PDLIM3: variants seen among roughly 807,000 people sequenced by gnomAD.
PDLIM3 encodes PDZ and LIM domain 3.
In PDLIM3, 36 loss-of-function variants were observed where a neutral mutation model predicts 37.3. That is an observed-to-expected ratio of 0.97 (90% CI 0.74 to 1.28). The LOEUF (loss-of-function observed/expected upper bound fraction) is 1.28, where lower values mean the gene tolerates loss of function less well. Ranked by LOEUF, PDLIM3 falls within the 50% of genes most tolerant of loss-of-function variation. The probability of loss-of-function intolerance (pLI) is 0.00; values close to 1 mark genes in which losing one functional copy is unlikely to be tolerated. For missense variants in PDLIM3, 454 were observed against 485.0 expected, an observed-to-expected ratio of 0.94 and a Z score of 0.60; for synonymous variants, 174 against 182.4, an observed-to-expected ratio of 0.95 and a Z score of 0.37.
In PDLIM3 at chr4:185,514,902, C is replaced by A; in HGVS notation, c.331-565G>T. The A allele has an allele frequency of 6.5e-7, 1 of 1,546,160 alleles. No homozygotes were observed. Among genetic ancestry groups the A allele is most frequent in the South Asian group, 1.2e-5 (1 of 83,410 alleles). Reference sequence around the variant, plus strand: ...ATGGGTTTGAATTCCTGTACAATGGCAGACAAAATACACAGCCACACAGCG... The same window carrying A: ...ATGGGTTTGAATTCCTGTACAATGGAAGACAAAATACACAGCCACACAGCG... On this transcript the variant is annotated intron_variant, in intron 3 of 7. Coordinates refer to ENST00000284767, the MANE Select transcript of PDLIM3 (RefSeq NM_014476.6). This position sits in a 1 kb window ranked among gnomAD's most constrained non-coding sequence, Gnocchi z 4.0.
At chr4:185,502,738 T>G (rs1013541455) in intron 7 of PDLIM3, among the ~76,000 whole-genome samples, 2 of 152,168 alleles carry the variant, frequency 1.3e-5, no homozygotes, top group African/African-American at 4.8e-5. Flanking sequence ...ACAAGTACTT[T>G]ATAGAAAATT....
intron 4 of PDLIM3, among the ~76,000 whole-genome samples, chr4:185,509,410 A>G (rs536394994): frequency 1.3e-5 from 2 of 152,326 alleles, no homozygotes; most frequent in Non-Finnish European, 2.9e-5. Context: ...ATTCCCAGGC[A>G]TATTTCCCTT....
Position 185,508,512 on chromosome 4 carries a change from G to A in PDLIM3, c.449C>T (p.Pro150Leu). 1.2e-6 allele frequency: 2 copies of A among 1,614,154 alleles called. No individual in the cohort carries two copies. The highest frequency in any genetic ancestry group is 8.5e-7 in the Non-Finnish European group (1 of 1,179,994). The change falls in exon 5 of 8, where the codon CCT becomes CTT. Residue 150 changes from proline (P) to leucine (L), a missense_variant. Pro to Leu is a moderately conservative substitution (Grantham distance 98). Transcript: ENST00000284767. ...GGTACTAACAGTACTGACAGAAGAA[G>A]GGGTGCTGCGTCCACTGCCACAGTC... ...GIDCGSGRSTPSSVSTVSTIC... is the reference protein window; with the variant it reads ...GIDCGSGRSTLSSVSTVSTIC...
intron 7 of PDLIM3, among the ~76,000 whole-genome samples, chr4:185,502,709 C>T (rs1561187784): frequency 6.6e-6 from 1 of 152,156 alleles, no homozygotes. Context: ...TGACGTGTGA[C>T]TATTTTTCAG....
In PDLIM3 at chr4:185,504,522, G is replaced by T; in HGVS notation, c.858C>A (p.Gly286=). ...CACAGAGCGGCATCCTCTGTGCCCCGCCTGAACCGCCATGGACTTTCGTCA... is the reference window on the plus strand; with the variant it reads ...CACAGAGCGGCATCCTCTGTGCCCCTCCTGAACCGCCATGGACTTTCGTCA... ...APVTKVHGGS[G]GAQRMPLCDK... is the part of the protein sequence containing the mutation. Residue 286 remains glycine, a synonymous_variant, in exon 7 of 8, where the codon GGC becomes GGA. Transcript: ENST00000284767. The surrounding 1 kb of genome is among the most constrained non-coding windows in gnomAD (Gnocchi z 4.7). 1 of 1,614,038 alleles carries T rather than the reference G, an allele frequency of 6.2e-7. No individual in the cohort carries two copies. The highest frequency in any genetic ancestry group is 8.5e-7 in the Non-Finnish European group (1 of 1,179,972).
At chr4:185,503,248 A>AAC (rs2095690522) in intron 7 of PDLIM3, among the ~76,000 whole-genome samples, 1 of 119,426 alleles carries the variant, frequency 8.4e-6, no homozygotes, top group Non-Finnish European at 2.0e-5. Context: ...ATAACAACAA[A>AAC]AACAAAACAA....
chr4:185,509,364 T>C (rs1229897085), intron 4 of PDLIM3, among the ~76,000 whole-genome samples: 1 of 152,200 alleles, frequency 6.6e-6, no homozygotes, highest in Non-Finnish European at 1.5e-5. Flanking sequence ...ATTTCTTACA[T>C]AGCTATTTTA....
rs1024988972 is a variant in PDLIM3, at chr4:185,514,084, C to A, written c.398+186G>T. 6.0e-5 allele frequency: 89 copies of A among 1,489,098 alleles called. No homozygotes were observed. In the African/African-American group the frequency reaches 1.2e-3, roughly 20 times the overall value. The allele number at this position is 1,489,098 out of a possible 1,614,324, so 92.2% of individuals were successfully genotyped here. A position where few individuals can be genotyped will look rare whatever the true frequency, so the allele number is the denominator to read the frequency against. The stretch of plus-strand genomic sequence containing the variant: ...AGCTCTGTCATCTTGTCAATATTTA[C>A]TCTTGGAAATGCAAGTTATTTGGCT... On this transcript the variant is annotated intron_variant, in intron 4 of 7. Transcript: ENST00000284767. This position sits in a 1 kb window ranked among gnomAD's most constrained non-coding sequence, Gnocchi z 4.0.
chr4:185,527,757 T>A (rs2095736775), intron 1 of PDLIM3, among the ~76,000 whole-genome samples: 1 of 152,188 alleles, frequency 6.6e-6, no homozygotes, highest in Non-Finnish European at 1.5e-5. Context: ...TTTCTTTGAG[T>A]TAAAACACAG....
chr4:185,503,369 G>A (rs779593510), intron 7 of PDLIM3, among the ~76,000 whole-genome samples: 1 of 152,166 alleles, frequency 6.6e-6, no homozygotes, highest in East Asian at 1.9e-4. Flanking sequence ...TTCTGGTAAC[G>A]TCAGGCACTG....
chr4:185,528,126 C>G (rs2095737499), intron 1 of PDLIM3, among the ~76,000 whole-genome samples: 1 of 152,164 alleles, frequency 6.6e-6, no homozygotes. Context: ...AACATATTTG[C>G]TTTTAGAGCC....
intron 5 of PDLIM3, 39 bp from the exon 6 acceptor site, chr4:185,506,691 G>A (rs756939907): frequency 6.3e-7 from 1 of 1,595,632 alleles, no homozygotes. Context: ...GTCAGGTGCT[G>A]GGAGGCACCA....
intron 1 of PDLIM3, among the ~76,000 whole-genome samples, chr4:185,533,341 C>T (rs545727047): frequency 3.9e-5 from 6 of 152,112 alleles, no homozygotes; most frequent in South Asian, 2.1e-4. Context: ...TATTCTTTTC[C>T]TTAACAAATT....
chr4:185,512,953 G>T lies in PDLIM3; in HGVS notation c.398+1317C>A, dbSNP rs779649910. The T allele has an allele frequency of 3.4e-4, 334 of 985,276 alleles. 1 individual carries two copies. Among genetic ancestry groups the T allele is most frequent in the Non-Finnish European group, 3.9e-4 (321 of 829,958 alleles). 61.0% of individuals were successfully genotyped at this position (985,276 alleles called of 1,614,324 possible). The stretch of plus-strand genomic sequence containing the variant: ...GAGAGGACACAGAGCTGCCAGCATC[G>T]GGAGCGAGACGGCTCTGGACTCTTC... On this transcript the variant is annotated intron_variant, in intron 4 of 7. Coordinates refer to ENST00000284767, the MANE Select transcript of PDLIM3 (RefSeq NM_014476.6).
rs2095688107 is a variant in PDLIM3, at chr4:185,502,222, C to T, written c.*72G>A. The T allele has an allele frequency of 6.8e-7, 1 of 1,463,398 alleles. No individual in the cohort carries two copies. The highest frequency in any genetic ancestry group is 9.6e-7 in the Non-Finnish European group (1 of 1,043,952). The allele number at this position is 1,463,398 out of a possible 1,614,324, so 90.7% of individuals were successfully genotyped here. A position where few individuals can be genotyped will look rare whatever the true frequency, so the allele number is the denominator to read the frequency against. On this transcript the variant is annotated 3_prime_UTR_variant, in exon 8 of 8. Transcript: ENST00000284767. ...TGACAATCTGCACAATCCTTCTGCC[C>T]AAAGCCATGAATGTCTTCTCGTGTA...
At chr4:185,519,578 T>G (rs954176993) in intron 3 of PDLIM3, among the ~76,000 whole-genome samples, 4 of 152,200 alleles carry the variant, frequency 2.6e-5, no homozygotes, top group Non-Finnish European at 5.9e-5. Context: ...TGAGCCACCA[T>G]GCCCGGCCAC....
At chr4:185,520,464 T>C (rs1426728065) in intron 3 of PDLIM3, among the ~76,000 whole-genome samples, 1 of 152,122 alleles carries the variant, frequency 6.6e-6, no homozygotes, top group Non-Finnish European at 1.5e-5. Context: ...ATCTCCTTTT[T>C]CTCATTTGTA....
Position 185,514,728 on chromosome 4 carries a change from C to G in PDLIM3, c.331-391G>C. 6.4e-7 allele frequency: 1 copy of G among 1,552,078 alleles called. No homozygotes were observed. ...TTTTGAGGTGAGCTAGGAATGAGAC[C>G]CCGCAGCTGTCCGTGAAGCGCATCT... On this transcript the variant is annotated intron_variant, in intron 3 of 7. Coordinates refer to ENST00000284767, the MANE Select transcript of PDLIM3 (RefSeq NM_014476.6). The surrounding 1 kb of genome is among the most constrained non-coding windows in gnomAD (Gnocchi z 4.0).
chr4:185,516,382 T>C (rs2095714920), intron 3 of PDLIM3: 1 of 152,212 alleles, frequency 6.6e-6, no homozygotes, highest in Non-Finnish European at 1.5e-5. Flanking sequence ...CTTTAAAACA[T>C]TAAAAGATCC....
Sources: gnomAD v4.1 joint callset for allele counts (sites outside exome capture counted in the v4.1 genomes callset) on GRCh38, gnomAD v4.1.1 for gene constraint, Gnocchi (gnomAD v3.1) non-coding constraint, MANE v1.5 for transcripts, NCBI Gene and HGNC (gene_info 2026-07-23, HGNC 2026-07-21) for gene names.